SLC44A3: variants seen among roughly 807,000 people sequenced by gnomAD.
The protein encoded by SLC44A3 is solute carrier family 44 member 3, also known as choline transporter-like protein 3.
SLC44A3 carries 74 observed loss-of-function variants against 75.4 expected under a neutral mutation model. The ratio of observed to expected loss-of-function variants is 0.98; its 90% CI spans 0.81 to 1.19. The LOEUF (loss-of-function observed/expected upper bound fraction) is 1.19, where lower values mean the gene tolerates loss of function less well. SLC44A3 is among the 50% of genes most tolerant of loss of function. SLC44A3 has a pLI of 0.00. For missense variants in SLC44A3, 700 were observed against 778.6 expected (o/e 0.90, Z 1.20); for synonymous variants, 310 against 296.9 (o/e 1.04, Z -0.45).
At chr1:94,893,159 C>T (rs1360573161) in intron 14 of SLC44A3, among the ~76,000 whole-genome samples, 1 of 152,166 alleles carries the variant, frequency 6.6e-6, no homozygotes, top group Non-Finnish European at 1.5e-5. Flanking sequence ...ATTTTAACAG[C>T]TGAATGATGT....
chr1:94,826,621 G>C (rs1288372484), intron 3 of SLC44A3, among the ~76,000 whole-genome samples: 1 of 137,784 alleles, frequency 7.3e-6, no homozygotes, highest in Non-Finnish European at 1.5e-5. Flanking sequence ...CTGGGTGACA[G>C]AGCGAGACTC....
intron 5 of SLC44A3, among the ~76,000 whole-genome samples, chr1:94,834,247 G>T (rs1446193514): frequency 6.6e-6 from 1 of 152,100 alleles, no homozygotes; most frequent in Admixed American, 6.6e-5. Flanking sequence ...CTTGGATAAG[G>T]AAAATACCAG....
chr1:94,864,174 T>C (rs148770252), intron 10 of SLC44A3, among the ~76,000 whole-genome samples: 2 of 152,172 alleles, frequency 1.3e-5, no homozygotes, highest in African/African-American at 4.8e-5. Flanking sequence ...CCGTAAATGA[T>C]TCACACTGAA....
intron 12 of SLC44A3, among the ~76,000 whole-genome samples, chr1:94,880,750 T>C (rs1165484955): frequency 6.6e-6 from 1 of 152,050 alleles, no homozygotes. Flanking sequence ...AGAGGGGAAA[T>C]TAGTGTTTAG....
chr1:94,824,774 G>A, intron 3 of SLC44A3, 139 bp downstream of exon 3: 1 of 1,000,908 alleles, frequency 1.0e-6, no homozygotes. Context: ...TGTGTATATA[G>A]TACAGGTAAG....
At chr1:94,881,701 C>T (rs1669009890) in intron 12 of SLC44A3, among the ~76,000 whole-genome samples, 1 of 143,448 alleles carries the variant, frequency 7.0e-6, no homozygotes, top group South Asian at 2.2e-4. Context: ...AAGACTCCGT[C>T]TCAAAAAAAA....
chr1:94,848,833 G>A (rs1176182492), intron 9 of SLC44A3, among the ~76,000 whole-genome samples: 1 of 152,094 alleles, frequency 6.6e-6, no homozygotes, highest in African/African-American at 2.4e-5. Flanking sequence ...CCAGAACAAG[G>A]CCGTAACCCA....
intron 3 of SLC44A3, among the ~76,000 whole-genome samples, chr1:94,826,406 G>A (rs1661347641): frequency 1.3e-5 from 2 of 152,158 alleles, no homozygotes; most frequent in Non-Finnish European, 2.9e-5. Flanking sequence ...AATCCCAACA[G>A]TTTGGAAGGC....
intron 12 of SLC44A3, among the ~76,000 whole-genome samples, chr1:94,888,213 G>A (rs552369111): frequency 4.3e-4 from 65 of 152,278 alleles, no homozygotes; most frequent in Non-Finnish European, 7.4e-4. Context: ...TGTGCTTACC[G>A]TAACCACCAT....
intron 9 of SLC44A3, among the ~76,000 whole-genome samples, chr1:94,854,030 C>T (rs1257329398): frequency 6.6e-6 from 1 of 152,104 alleles, no homozygotes; most frequent in African/African-American, 2.4e-5. Context: ...CTGTAGCTGA[C>T]CCTATTGCAC....
chr1:94,878,027 G>T (rs967683278), intron 12 of SLC44A3, among the ~76,000 whole-genome samples: 2 of 152,140 alleles, frequency 1.3e-5, no homozygotes, highest in Admixed American at 6.5e-5. Flanking sequence ...GAGGTCAGGA[G>T]ATCGAGACCA....
chr1:94,854,563 G>A (rs1665615259), intron 9 of SLC44A3, among the ~76,000 whole-genome samples: 1 of 152,204 alleles, frequency 6.6e-6, no homozygotes, highest in Non-Finnish European at 1.5e-5. Flanking sequence ...CATTCACACA[G>A]CCATCCAGGA....
chr1:94,858,444 T>G (rs1666170060), intron 10 of SLC44A3, among the ~76,000 whole-genome samples: 1 of 152,050 alleles, frequency 6.6e-6, no homozygotes, highest in South Asian at 2.1e-4. Flanking sequence ...ACCTCTTCTG[T>G]GTGTGTGACT....
intron 12 of SLC44A3, among the ~76,000 whole-genome samples, chr1:94,873,873 A>G (rs985994620): frequency 2.6e-5 from 4 of 152,240 alleles, no homozygotes; most frequent in African/African-American, 9.6e-5. Context: ...TTTCTTAAGA[A>G]GAAACAGTTC....
At chr1:94,874,307 T>A (rs1162650502) in intron 12 of SLC44A3, among the ~76,000 whole-genome samples, 2 of 152,232 alleles carry the variant, frequency 1.3e-5, no homozygotes, top group East Asian at 3.8e-4. Flanking sequence ...GTGGCTTTCC[T>A]GGGAGCAGCC....
chr1:94,866,637 G>A (rs1298886478), intron 11 of SLC44A3, among the ~76,000 whole-genome samples: 1 of 152,136 alleles, frequency 6.6e-6, no homozygotes, highest in East Asian at 1.9e-4. Context: ...ATGAGAAAAT[G>A]TCCATATAAG....
At chr1:94,851,674 C>T (rs929380591) in intron 9 of SLC44A3, among the ~76,000 whole-genome samples, 7 of 152,206 alleles carry the variant, frequency 4.6e-5, no homozygotes, top group African/African-American at 1.7e-4. Flanking sequence ...ATGAGATTTT[C>T]CTCTCTTTTT....
At chr1:94,892,867 G>C (rs1013766728) in intron 14 of SLC44A3, among the ~76,000 whole-genome samples, 3 of 152,210 alleles carry the variant, frequency 2.0e-5, no homozygotes, top group Admixed American at 1.3e-4. Context: ...GGGTGGTCTA[G>C]AAGTTTAACA....
chr1:94,844,331 GGCC>G (rs1211698833), intron 8 of SLC44A3, among the ~76,000 whole-genome samples: 4 of 152,150 alleles, frequency 2.6e-5, no homozygotes, highest in African/African-American at 9.7e-5. Flanking sequence ...GGACATCCAC[GGCC>G]TTGTCAATAA....
Sources: allele counts gnomAD v4.1 joint callset (sites outside exome capture counted in the v4.1 genomes callset), GRCh38; gene constraint gnomAD v4.1.1; transcripts MANE v1.5; gene names NCBI Gene and HGNC (gene_info 2026-07-23, HGNC 2026-07-21).